Variants in DLGAP2 observed in about 807,000 individuals in gnomAD.
The protein encoded by DLGAP2 is disks large-associated protein 2.
In DLGAP2, 26 loss-of-function variants were observed where a neutral mutation model predicts 100.3. The observed-to-expected ratio is 0.26, with a 90% CI of 0.19 to 0.36. DLGAP2 has a LOEUF of 0.36. DLGAP2 is among the 10% of genes least tolerant of loss of function. The pLI is 1.00. For synonymous variants in DLGAP2, 886 were observed against 630.1 expected, an observed-to-expected ratio of 1.41 and a Z score of -6.08; for missense variants, 1,858 against 1,453.2, an observed-to-expected ratio of 1.28 and a Z score of -4.53.
chr8:1,198,815 G>A (rs1585144330), intron 2 of DLGAP2, among the ~76,000 whole-genome samples: 1 of 152,206 alleles, frequency 6.6e-6, no homozygotes, highest in East Asian at 1.9e-4. Context: ...AGGGGGATGG[G>A]CACCTCCCTC....
intron 2 of DLGAP2, among the ~76,000 whole-genome samples, chr8:1,241,619 G>A (rs1435192901): frequency 6.6e-6 from 1 of 152,096 alleles, no homozygotes; most frequent in African/African-American, 2.4e-5. Context: ...ACTCCACACT[G>A]GTCTTAGGCA....
At position 1,364,507 on chromosome 8, in the gene DLGAP2, G is replaced by GA. The variant is rs1017381445; in HGVS notation, c.106+105624_106+105625insA. Among the ~76,000 whole-genome samples the GA allele has an allele frequency of 8.0e-5, 12 of 150,000 alleles. No homozygotes were observed. The East Asian group carries it at 1.7e-3, about 21-fold the overall frequency. Reference sequence around the variant, plus strand: ...GGCGCCGGTCATGGGAAGGGCGGGGGGGGTGCAGCGAAGCAGACACATTTT... The same window carrying GA: ...GGCGCCGGTCATGGGAAGGGCGGGGGAGGGTGCAGCGAAGCAGACACATTTT... On this transcript the variant is annotated intron_variant, in intron 3 of 14. Transcript: ENST00000637795.
At chr8:1,535,785 C>T (rs1801136149) in intron 4 of DLGAP2, among the ~76,000 whole-genome samples, 2 of 152,198 alleles carry the variant, frequency 1.3e-5, no homozygotes, top group Admixed American at 6.5e-5. Flanking sequence ...TGTTGAGCAT[C>T]GATGTGTGCC....
intron 2 of DLGAP2, among the ~76,000 whole-genome samples, chr8:1,225,335 C>T (rs572953169): frequency 4.6e-5 from 7 of 152,244 alleles, no homozygotes; most frequent in Non-Finnish European, 7.3e-5. Context: ...CAAAAAATGT[C>T]ACATATTCTG....
At chr8:1,680,176 G>A (rs995994290) in intron 12 of DLGAP2, among the ~76,000 whole-genome samples, 3 of 152,144 alleles carry the variant, frequency 2.0e-5, no homozygotes, top group East Asian at 1.9e-4. Context: ...GACAAATTAC[G>A]GTCTAAGTAT....
Position 1,668,589 on chromosome 8 carries a change from A to T in DLGAP2, c.2071A>T (p.Ser691Cys). 6.3e-7 allele frequency: 1 copy of T among 1,598,338 alleles called. No individual in the cohort carries two copies. The highest frequency in any genetic ancestry group is 8.5e-7 in the Non-Finnish European group (1 of 1,173,330). ...CCAGCGCCACCTGCCAGAGAGCCAGAGCAGCTCTGTGCGGACCAGCGACAA... is the reference window on the plus strand; with the variant it reads ...CCAGCGCCACCTGCCAGAGAGCCAGTGCAGCTCTGTGCGGACCAGCGACAA... The part of the protein sequence containing the change: ...AAQRHLPESQ[S>C]SSVRTSDKAI... Residue 691 changes from serine (S) to cysteine (C), a missense_variant, in exon 9 of 15, where the codon AGC becomes TGC. By Grantham distance (112) the Ser-to-Cys change is moderately radical. Transcript: ENST00000637795.
chr8:1,373,338 G>A (rs1382943628), intron 3 of DLGAP2, among the ~76,000 whole-genome samples: 1 of 151,848 alleles, frequency 6.6e-6, no homozygotes, highest in African/African-American at 2.4e-5. Flanking sequence ...CCTTCCGGAG[G>A]CGCCGCGCCT....
intron 8 of DLGAP2, among the ~76,000 whole-genome samples, chr8:1,639,496 G>A (rs1292367598): frequency 6.6e-6 from 1 of 152,190 alleles, no homozygotes; most frequent in Non-Finnish European, 1.5e-5. Context: ...CAGGTTCCTG[G>A]TGTCCATAAG....
chr8:1,680,736 C>G (rs533564892), intron 12 of DLGAP2: 1 of 152,360 alleles, frequency 6.6e-6, no homozygotes, highest in Admixed American at 6.5e-5. Flanking sequence ...ATCTAAAAAT[C>G]ACTCATTTTC....
At chr8:1,191,452 G>A (rs1055531789) in intron 2 of DLGAP2, among the ~76,000 whole-genome samples, 4 of 152,154 alleles carry the variant, frequency 2.6e-5, no homozygotes, top group Non-Finnish European at 4.4e-5. Flanking sequence ...TTATAGGCGT[G>A]AGCCACCGCG....
chr8:1,223,925 T>C (rs900848088), intron 2 of DLGAP2, among the ~76,000 whole-genome samples: 1 of 152,242 alleles, frequency 6.6e-6, no homozygotes, highest in African/African-American at 2.4e-5. Flanking sequence ...ACATACTCCT[T>C]GTTGTTAAAA....
intron 2 of DLGAP2, among the ~76,000 whole-genome samples, chr8:959,685 C>T (rs1799678000): frequency 2.0e-5 from 3 of 152,138 alleles, no homozygotes; most frequent in Admixed American, 1.3e-4. Context: ...GTTAATTCAT[C>T]ATGGGTGTGA....
At chr8:971,024 C>G (rs879877404) in intron 2 of DLGAP2, among the ~76,000 whole-genome samples, 1 of 152,156 alleles carries the variant, frequency 6.6e-6, no homozygotes, top group East Asian at 1.9e-4. Context: ...TAGTGTGGCT[C>G]TCCTGTTCAG....
At position 866,713 on chromosome 8, in the gene DLGAP2, T is replaced by G; in HGVS notation, c.19-41199T>G. Among the ~76,000 whole-genome samples, 3 of 152,248 alleles carry G rather than the reference T, an allele frequency of 2.0e-5. No individual in the cohort carries two copies. The South Asian group carries it at 6.2e-4, about 32-fold the overall frequency. On this transcript the variant is annotated intron_variant, in intron 1 of 14. Coordinates refer to ENST00000637795, the MANE Select transcript of DLGAP2 (RefSeq NM_001346810.2). ...CCACGCCAGGGCCTTCTAAATACTT[T>G]CCCAGACGCTGTGTGCTGTGAGCAT...
At chr8:1,018,106 T>C (rs1365246511) in intron 2 of DLGAP2, among the ~76,000 whole-genome samples, 1 of 149,822 alleles carries the variant, frequency 6.7e-6, no homozygotes, top group African/African-American at 2.5e-5. Context: ...GACTCTCACA[T>C]GACCCCTGCC....
chr8:1,098,543 G>C (rs1172472108), intron 2 of DLGAP2, among the ~76,000 whole-genome samples: 1 of 151,946 alleles, frequency 6.6e-6, no homozygotes, highest in Non-Finnish European at 1.5e-5. Context: ...CAGGCACAGC[G>C]GGCTGGCCCC....
intron 2 of DLGAP2, among the ~76,000 whole-genome samples, chr8:1,057,201 G>A (rs926106258): frequency 2.6e-5 from 4 of 152,170 alleles, no homozygotes; most frequent in African/African-American, 9.7e-5. Flanking sequence ...GATATGCATC[G>A]GTTACTACAC....
chr8:785,132 G>C (rs375212489), intron 1 of DLGAP2, among the ~76,000 whole-genome samples: 2 of 147,616 alleles, frequency 1.4e-5, no homozygotes, highest in East Asian at 2.1e-4. Flanking sequence ...CAGGAGAATG[G>C]GGTGAACCTG....
intron 3 of DLGAP2, among the ~76,000 whole-genome samples, chr8:1,267,981 T>G (rs1799503074): frequency 6.6e-6 from 1 of 152,160 alleles, no homozygotes. Context: ...GAATCAGAGG[T>G]GAAGCCACAG....
Sources: gnomAD v4.1 joint callset for allele counts (sites outside exome capture counted in the v4.1 genomes callset) on GRCh38, gnomAD v4.1.1 for gene constraint, MANE v1.5 for transcripts, NCBI Gene and HGNC (gene_info 2026-07-23, HGNC 2026-07-21) for gene names.